Variants in TBC1D8 observed in about 807,000 individuals in gnomAD.
TBC1D8 encodes the protein BUB2-like protein 1.
TBC1D8 carries 65 observed loss-of-function variants against 118.8 expected under a neutral mutation model. That is an observed-to-expected ratio of 0.55 (90% CI 0.45 to 0.67). The LOEUF is 0.67. Among genes scored for constraint, TBC1D8 ranks in the 30% least tolerant of loss-of-function variants. The pLI is 0.00. For missense variants in TBC1D8, 1,376 were observed against 1,471.2 expected, an observed-to-expected ratio of 0.94 and a Z score of 1.06; for synonymous variants, 566 against 595.8, an observed-to-expected ratio of 0.95 and a Z score of 0.73.
chr2:101,052,545 C>T (rs1411449535), intron 4 of TBC1D8, among the ~76,000 whole-genome samples: 1 of 149,430 alleles, frequency 6.7e-6, no homozygotes. Context: ...GGTGCAATCT[C>T]GGCTCACTGC....
At chr2:101,084,400 T>G (rs1675463715) in intron 2 of TBC1D8, among the ~76,000 whole-genome samples, 1 of 151,994 alleles carries the variant, frequency 6.6e-6, no homozygotes, top group East Asian at 1.9e-4. Flanking sequence ...AATCAAAAAA[T>G]TTGCCAGGCA....
intron 2 of TBC1D8, among the ~76,000 whole-genome samples, chr2:101,079,473 C>T (rs1675102806): frequency 1.3e-5 from 2 of 152,108 alleles, no homozygotes; most frequent in East Asian, 1.9e-4. Context: ...CTCCCAGGCT[C>T]GAGCAATCCT....
intron 1 of TBC1D8, among the ~76,000 whole-genome samples, chr2:101,137,462 G>A (rs1052732512): frequency 2.9e-4 from 44 of 152,096 alleles, no homozygotes; most frequent in South Asian, 1.2e-3. Flanking sequence ...ACAGGCGCCC[G>A]CCACCACACC....
intron 1 of TBC1D8, among the ~76,000 whole-genome samples, chr2:101,142,412 G>A (rs147085497): frequency 6.6e-6 from 1 of 151,976 alleles, no homozygotes; most frequent in East Asian, 1.9e-4. Context: ...CACCCAACAA[G>A]GTCACTCATA....
rs1679546129 is a variant in TBC1D8 at position 101,151,129 on chromosome 2, G to C, written c.125C>G (p.Thr42Ser). ...RGHGEGGGRL[T>S]GRLVGALDAV... ...GCCCGCCCCGGCGAGCCCCTTACCGGTGAGGCGGCCGCCCCCCTCGCCGTG... is the reference window on the plus strand; with the variant it reads ...GCCCGCCCCGGCGAGCCCCTTACCGCTGAGGCGGCCGCCCCCCTCGCCGTG... The change falls in exon 1 of 20, where the codon ACC (threonine) becomes AGC (serine). Residue 42 changes from threonine to serine, a missense_variant and splice_region_variant. Coordinates refer to ENST00000409318, the MANE Select transcript of TBC1D8 (RefSeq NM_001330348.2). The C allele has an allele frequency of 2.6e-6, 3 of 1,139,174 alleles. No individual in the cohort carries two copies. The highest frequency in any genetic ancestry group is 3.3e-6 in the Non-Finnish European group (3 of 909,376). 70.6% of individuals were successfully genotyped at this position (1,139,174 alleles called of 1,614,324 possible).
chr2:101,061,642 C>T (rs1682757596), intron 2 of TBC1D8, among the ~76,000 whole-genome samples: 1 of 152,118 alleles, frequency 6.6e-6, no homozygotes, highest in Non-Finnish European at 1.5e-5. Context: ...AGCACTTAGT[C>T]AATGACCCTG....
rs779489061 is a variant in TBC1D8 at position 101,033,711 on chromosome 2, C to A, written c.1651G>T (p.Val551Leu). 6.2e-7 allele frequency: 1 copy of A among 1,613,972 alleles called. No individual in the cohort carries two copies. The highest frequency in any genetic ancestry group is 1.1e-5 in the South Asian group (1 of 91,082). ...CAGCATTTCCCCAGGGACTCCTCCA[C>A]CAGATTCCCGTAGTAACCAGGGTGT... ...ASHPGYYGNL[V>L]EESLGKCCLV... Residue 551 changes from valine to leucine, a missense_variant, in exon 10 of 20, where the codon GTG becomes TTG. Val to Leu is a conservative substitution (Grantham distance 32). Transcript: ENST00000409318.
At chr2:101,115,873 C>T (rs1049385406) in intron 1 of TBC1D8, among the ~76,000 whole-genome samples, 1 of 152,088 alleles carries the variant, frequency 6.6e-6, no homozygotes, top group African/African-American at 2.4e-5. Context: ...ATCCCATGAC[C>T]TGGATCTGTT....
chr2:101,134,189 TCTCTCTCTCA>T (rs1241348314), intron 1 of TBC1D8, among the ~76,000 whole-genome samples: 2 of 95,714 alleles, frequency 2.1e-5, no homozygotes, highest in South Asian at 3.6e-4. Context: ...TCTCTCTCTC[TCTCTCTCTCA>T]CACACACACA....
chr2:101,027,375 C>T lies in TBC1D8; in HGVS notation c.2520+8G>A. The T allele has an allele frequency of 6.2e-7, 1 of 1,612,698 alleles. No individual in the cohort carries two copies. Among genetic ancestry groups the T allele is most frequent in the African/African-American group, 1.3e-5 (1 of 75,054 alleles). On this transcript the variant is annotated splice_region_variant and intron_variant, in intron 15 of 19. Coordinates refer to ENST00000409318, the MANE Select transcript of TBC1D8 (RefSeq NM_001330348.2). ...CCTGGAACCCCTCATCTTCCCAGAG[C>T]TGCGTACCTTGAATAAGTCGTAGAG...
intron 2 of TBC1D8, among the ~76,000 whole-genome samples, chr2:101,075,087 A>C (rs1230572368): frequency 6.6e-6 from 1 of 152,168 alleles, no homozygotes; most frequent in African/African-American, 2.4e-5. Context: ...AGCACTTGAG[A>C]CAAATGTTAC....
chr2:101,084,796 G>T (rs539036413), intron 2 of TBC1D8, among the ~76,000 whole-genome samples: 18 of 151,870 alleles, frequency 1.2e-4, no homozygotes, highest in African/African-American at 4.3e-4. Context: ...CAAATAAATG[G>T]ACTTAAGGGA....
At chr2:101,035,201 C>A (rs954087623) in intron 9 of TBC1D8, among the ~76,000 whole-genome samples, 7 of 152,100 alleles carry the variant, frequency 4.6e-5, no homozygotes, top group African/African-American at 1.7e-4. Context: ...GCCATGGGGT[C>A]ATCTGGGGAA....
Position 101,050,717 on chromosome 2 carries a change from T to C in TBC1D8, c.632-76A>G, listed in dbSNP as rs1454469109. ...ACTTGAGTGTGTCAGCAAGCAACTATCCAAAGCTCTCCTTAGGCCGATGTG... is the reference window on the plus strand; with the variant it reads ...ACTTGAGTGTGTCAGCAAGCAACTACCCAAAGCTCTCCTTAGGCCGATGTG... On this transcript the variant is annotated intron_variant, in intron 4 of 19. Transcript: ENST00000409318. The C allele has an allele frequency of 3.9e-6, 6 of 1,554,466 alleles. No individual in the cohort carries two copies. In the East Asian group the frequency reaches 1.1e-4, roughly 29 times the overall value.
At position 101,028,420 on chromosome 2, in the gene TBC1D8, G is replaced by T; in HGVS notation, c.2235C>A (p.His745Gln). Residue 745 changes from histidine to glutamine, a missense_variant, in exon 13 of 20, where the codon CAC becomes CAA. By Grantham distance (24) the His-to-Gln change is conservative (BLOSUM62 0). Transcript: ENST00000409318. ...ALMILSRFLD[H>Q]IKNEDSPGPP... ...GCCCTGGGCTGTCCTCATTCTTAATGTGATCTAGAAACCTGAACACACCGC... is the reference window on the plus strand; with the variant it reads ...GCCCTGGGCTGTCCTCATTCTTAATTTGATCTAGAAACCTGAACACACCGC... 6.3e-7 allele frequency: 1 copy of T among 1,582,272 alleles called. No individual in the cohort carries two copies. The highest frequency in any genetic ancestry group is 1.4e-5 in the African/African-American group (1 of 74,002).
chr2:101,054,672 CTTTTTTTTTTTTTTT>C (rs34465252), intron 3 of TBC1D8, among the ~76,000 whole-genome samples: 6 of 25,436 alleles, frequency 2.4e-4, no homozygotes, highest in Non-Finnish European at 3.0e-4. Context: ...CTTTTCTTTT[CTTTTTTTTTTTTTTT>C]TTTTTTTTTT....
chr2:101,008,665 A>T (rs1678936251), intron 19 of TBC1D8, among the ~76,000 whole-genome samples: 1 of 152,154 alleles, frequency 6.6e-6, no homozygotes, highest in African/African-American at 2.4e-5. Context: ...ATACAAAATT[A>T]GCCAGGCATG....
chr2:101,124,605 T>TCC (rs1678273033), intron 1 of TBC1D8, among the ~76,000 whole-genome samples: 1 of 152,112 alleles, frequency 6.6e-6, no homozygotes, highest in South Asian at 2.1e-4. Flanking sequence ...GTTAGGGTTA[T>TCC]CCCCCAAGAG....
At chr2:101,073,292 T>A (rs1456088506) in intron 2 of TBC1D8, among the ~76,000 whole-genome samples, 1 of 138,016 alleles carries the variant, frequency 7.2e-6, no homozygotes, top group African/African-American at 2.8e-5. Context: ...TTTTATTTTA[T>A]TTTATTTATT....
Sources: allele counts gnomAD v4.1 joint callset (sites outside exome capture counted in the v4.1 genomes callset), GRCh38; gene constraint gnomAD v4.1.1; transcripts MANE v1.5; gene names NCBI Gene and HGNC (gene_info 2026-07-23, HGNC 2026-07-21).